Variants in KSR1 observed in about 807,000 individuals in gnomAD.
KSR1 encodes kinase suppressor of ras 1.
Under a neutral mutation model 92.9 loss-of-function variants are expected in KSR1, and 35 were observed. That is an observed-to-expected ratio of 0.38 (90% CI 0.29 to 0.50). The LOEUF (loss-of-function observed/expected upper bound fraction) is 0.50, where lower values mean the gene tolerates loss of function less well. Ranked by LOEUF, KSR1 falls within the 20% of genes least tolerant of loss-of-function variation. The probability of loss-of-function intolerance (pLI) is 0.94; values close to 1 mark genes in which losing one functional copy is unlikely to be tolerated. For synonymous variants in KSR1, 467 were observed against 472.6 expected (o/e 0.99, Z 0.15); for missense variants, 972 against 1,158.5 (o/e 0.84, Z 2.34).
At chr17:27,601,833 T>C in intron 11 of KSR1, 1 of 1,255,074 alleles carries the variant, frequency 8.0e-7, no homozygotes, top group South Asian at 1.3e-5. Context: ...TAGAAACCCA[T>C]TTGGGAAGGT....
At chr17:27,476,187 G>A (rs1567745605) in intron 1 of KSR1, among the ~76,000 whole-genome samples, 2 of 152,190 alleles carry the variant, frequency 1.3e-5, no homozygotes, top group Non-Finnish European at 2.9e-5. Flanking sequence ...CGATTCTTGA[G>A]CCCCCACCCC....
chr17:27,596,434 G>A (rs2073347917), intron 9 of KSR1, among the ~76,000 whole-genome samples: 1 of 152,236 alleles, frequency 6.6e-6, no homozygotes, highest in Non-Finnish European at 1.5e-5. Flanking sequence ...GGCAAGCACT[G>A]GTTGATGTGA....
intron 2 of KSR1, among the ~76,000 whole-genome samples, chr17:27,560,164 G>A (rs933179728): frequency 6.6e-6 from 1 of 152,226 alleles, no homozygotes; most frequent in Admixed American, 6.5e-5. Flanking sequence ...TGCACACTAT[G>A]GCTGTTTCAA....
chr17:27,607,578 C>G (rs894618890), intron 14 of KSR1, among the ~76,000 whole-genome samples: 2 of 152,128 alleles, frequency 1.3e-5, no homozygotes, highest in Non-Finnish European at 2.9e-5. Context: ...CAAGTTCTTC[C>G]CCATCAGAGT....
At chr17:27,461,807 G>C (rs1223592047) in intron 1 of KSR1, among the ~76,000 whole-genome samples, 1 of 152,202 alleles carries the variant, frequency 6.6e-6, no homozygotes, top group Non-Finnish European at 1.5e-5. Flanking sequence ...TCTTCTTGGA[G>C]TGGTCTGGGC....
chr17:27,521,747 C>T (rs1024279941), intron 1 of KSR1, among the ~76,000 whole-genome samples: 3 of 152,188 alleles, frequency 2.0e-5, no homozygotes, highest in Non-Finnish European at 2.9e-5. Context: ...AAAGGCTACT[C>T]TGATGGAGGC....
In KSR1 at chr17:27,582,997, C is replaced by G. The variant is rs375472780; in HGVS notation, c.872C>G (p.Pro291Arg). The change falls in exon 4 of 21, where the codon CCA (proline) becomes CGA (arginine). Residue 291 changes from proline (P) to arginine (R), a missense_variant. Pro to Arg is a moderately radical substitution (Grantham distance 103). Around this residue, in one of 5 missense-constraint regions of KSR1, gnomAD observed 611 missense variants for 668.0 expected, o/e 0.91. Transcript: ENST00000644974. Reference protein sequence around the residue: ...TKLKPPRTPPPPSRKVFQLLP... With the variant: ...TKLKPPRTPPRPSRKVFQLLP... Reference sequence around the variant, plus strand: ...CTGAAGCCACCACGGACGCCCCCCCCACCCAGCCGCAAGGTCTTCCAGCTG... The same window carrying G: ...CTGAAGCCACCACGGACGCCCCCCCGACCCAGCCGCAAGGTCTTCCAGCTG... 1.1e-5 allele frequency: 17 copies of G among 1,609,016 alleles called. No homozygotes were observed. The highest frequency in any genetic ancestry group is 2.2e-5 in the South Asian group (2 of 90,336).
In KSR1 at chr17:27,503,546, C is replaced by A. The variant is rs553474716; in HGVS notation, c.231+46672C>A. Among the ~76,000 whole-genome samples the A allele has an allele frequency of 3.9e-5, 6 of 152,202 alleles. No homozygotes were observed. In the South Asian group the frequency reaches 1.2e-3, roughly 32 times the overall value. ...ACAAAATCATATTCAGCCTTTTGTC[C>A]AGTTTGGTATCGTTAACTCCTGCTC... On this transcript the variant is annotated intron_variant, in intron 1 of 20. Transcript: ENST00000644974.
intron 2 of KSR1, among the ~76,000 whole-genome samples, chr17:27,553,472 C>T (rs185205646): frequency 1.3e-5 from 2 of 152,334 alleles, no homozygotes; most frequent in East Asian, 3.9e-4. Context: ...GGCCAAGTGT[C>T]CTCCTTCCGT....
At chr17:27,554,251 C>T (rs1404485207) in intron 2 of KSR1, among the ~76,000 whole-genome samples, 1 of 152,158 alleles carries the variant, frequency 6.6e-6, no homozygotes, top group Non-Finnish European at 1.5e-5. Context: ...TGACCTTGAG[C>T]AGTAGGATAT....
intron 17 of KSR1, 52 bp downstream of exon 17, chr17:27,610,250 C>G (rs373590457): frequency 5.6e-6 from 9 of 1,610,490 alleles, no homozygotes; most frequent in South Asian, 3.3e-5. Context: ...ACAGAGGGCC[C>G]TGGTGGCCAT....
intron 1 of KSR1, among the ~76,000 whole-genome samples, chr17:27,512,005 C>A (rs1597915759): frequency 1.3e-5 from 2 of 152,186 alleles, no homozygotes; most frequent in African/African-American, 4.8e-5. Flanking sequence ...TGATAGTAGT[C>A]ATGTGTATGT....
At chr17:27,546,332 A>G (rs1384790025) in intron 1 of KSR1, among the ~76,000 whole-genome samples, 1 of 152,180 alleles carries the variant, frequency 6.6e-6, no homozygotes, top group African/African-American at 2.4e-5. Context: ...GTTGAATATG[A>G]GCTAGGTGTC....
chr17:27,472,868 A>T, intron 1 of KSR1, among the ~76,000 whole-genome samples: 1 of 152,198 alleles, frequency 6.6e-6, no homozygotes, highest in East Asian at 1.9e-4. Flanking sequence ...GTAATAACTC[A>T]GGGCCCTATC....
intron 1 of KSR1, among the ~76,000 whole-genome samples, chr17:27,466,433 CGA>C (rs1350326519): frequency 1.3e-5 from 2 of 152,134 alleles, no homozygotes; most frequent in Non-Finnish European, 2.9e-5. Context: ...GGAAACTTGC[CGA>C]GAGAGGTGTG....
chr17:27,470,682 T>C (rs1397055770), intron 1 of KSR1, among the ~76,000 whole-genome samples: 1 of 151,982 alleles, frequency 6.6e-6, no homozygotes, highest in African/African-American at 2.4e-5. Flanking sequence ...AGCCCCTCCA[T>C]TTAACTCCTG....
At chr17:27,508,935 T>C (rs1234031285) in intron 1 of KSR1, among the ~76,000 whole-genome samples, 3 of 151,990 alleles carry the variant, frequency 2.0e-5, no homozygotes, top group African/African-American at 7.3e-5. Flanking sequence ...TTCACCATGT[T>C]GGCCAGGCTG....
intron 1 of KSR1, among the ~76,000 whole-genome samples, chr17:27,516,281 G>A (rs748154160): frequency 1.3e-5 from 2 of 152,198 alleles, no homozygotes; most frequent in Admixed American, 6.5e-5. Context: ...CTAGCATGTA[G>A]TAAATGCTCA....
intron 1 of KSR1, among the ~76,000 whole-genome samples, chr17:27,483,258 G>T (rs1056698274): frequency 6.6e-6 from 1 of 152,184 alleles, no homozygotes; most frequent in African/African-American, 2.4e-5. Context: ...CCAGGAAAGA[G>T]CACGTTAGAG....
Sources: allele counts gnomAD v4.1 joint callset (sites outside exome capture counted in the v4.1 genomes callset), GRCh38; gene constraint gnomAD v4.1.1; regional missense constraint gnomAD v4.1.1; transcripts MANE v1.5; gene names NCBI Gene and HGNC (gene_info 2026-07-23, HGNC 2026-07-21).